The following TIMP3 variants were observed in gnomAD, a reference collection of about 807,000 sequenced individuals.
TIMP3 encodes the protein TIMP metallopeptidase inhibitor 3, also known as metalloproteinase inhibitor 3.
In TIMP3, 11 loss-of-function variants were observed where a neutral mutation model predicts 30.0. That is an observed-to-expected ratio of 0.37 (90% CI 0.23 to 0.61). The LOEUF is 0.61. Ranked by LOEUF, TIMP3 falls within the 20% of genes least tolerant of loss-of-function variation. TIMP3 has a pLI of 0.70. For missense variants in TIMP3, 181 were observed against 276.8 expected (o/e 0.65, Z 2.45); for synonymous variants, 112 against 111.3 (o/e 1.01, Z -0.04).
intron 1 of TIMP3, among the ~76,000 whole-genome samples, chr22:32,808,651 C>T (rs1331351046): frequency 6.6e-6 from 1 of 152,176 alleles, no homozygotes; most frequent in East Asian, 1.9e-4. Flanking sequence ...TGGCTCTTGG[C>T]CCATGACACC....
chr22:32,813,818 A>G (rs1375657334), intron 1 of TIMP3, among the ~76,000 whole-genome samples: 2 of 152,034 alleles, frequency 1.3e-5, no homozygotes. Context: ...CATTTTTCCT[A>G]TCTGTAAAAT....
chr22:32,836,602 A>G (rs896531080), intron 1 of TIMP3, among the ~76,000 whole-genome samples: 1 of 152,100 alleles, frequency 6.6e-6, no homozygotes, highest in Non-Finnish European at 1.5e-5. Flanking sequence ...GGGCTTGAAG[A>G]CCTATGTATG....
chr22:32,852,723 C>A (rs1252054712), intron 2 of TIMP3, among the ~76,000 whole-genome samples: 1 of 149,744 alleles, frequency 6.7e-6, no homozygotes, highest in Non-Finnish European at 1.5e-5. Flanking sequence ...CTTCAGTACA[C>A]AGAGACCTGC....
At position 32,860,457 on chromosome 22, in the gene TIMP3, A is replaced by T. The variant is rs547790374; in HGVS notation, c.*1080A>T. 1 of 152,792 alleles carries T rather than the reference A, an allele frequency of 6.5e-6. No individual in the cohort carries two copies. The highest frequency in any genetic ancestry group is 2.4e-5 in the African/African-American group (1 of 41,584). 9.5% of individuals were successfully genotyped at this position (152,792 alleles called of 1,614,324 possible). ...ACAGAATTCTGTTCAATGCTGTTAA[A>T]TATGCCAATAGTTTAATCTCTTCTA... On this transcript the variant is annotated 3_prime_UTR_variant, in exon 5 of 5. Coordinates refer to ENST00000266085, the MANE Select transcript of TIMP3 (RefSeq NM_000362.5).
At chr22:32,833,732 G>A (rs2047645663) in intron 1 of TIMP3, 1 of 492,058 alleles carries the variant, frequency 2.0e-6, no homozygotes, top group Admixed American at 2.0e-5. Context: ...GATCTGGGGA[G>A]AGTCACTTCT....
intron 1 of TIMP3, among the ~76,000 whole-genome samples, chr22:32,810,761 A>C (rs1476987939): frequency 6.6e-6 from 1 of 152,182 alleles, no homozygotes; most frequent in Non-Finnish European, 1.5e-5. Flanking sequence ...TTTCGCAACC[A>C]GGGTCAGATT....
At position 32,835,448 on chromosome 22, in the gene TIMP3, G is replaced by A. The variant is rs1394740403; in HGVS notation, c.122-14004G>A. Among the ~76,000 whole-genome samples the A allele has an allele frequency of 2.0e-5, 3 of 152,208 alleles. No individual in the cohort carries two copies. The East Asian group carries it at 5.8e-4, about 29-fold the overall frequency. Reference sequence around the variant, plus strand: ...AGGGCCCCTGAGAATACAAAACAGGGGTTCTGTTCTAGTCTTATGCTTGCA... The same window carrying A: ...AGGGCCCCTGAGAATACAAAACAGGAGTTCTGTTCTAGTCTTATGCTTGCA... On this transcript the variant is annotated intron_variant, in intron 1 of 4. Transcript: ENST00000266085.
At chr22:32,824,022 T>C (rs1424575435) in intron 1 of TIMP3, among the ~76,000 whole-genome samples, 1 of 152,140 alleles carries the variant, frequency 6.6e-6, no homozygotes, top group Non-Finnish European at 1.5e-5. Flanking sequence ...CTCACGCCTG[T>C]AATCCCAGCA....
chr22:32,850,738 T>A (rs1159622223), intron 2 of TIMP3, among the ~76,000 whole-genome samples: 1 of 152,152 alleles, frequency 6.6e-6, no homozygotes, highest in African/African-American at 2.4e-5. Flanking sequence ...GGGTAGGACC[T>A]GGCATGCAAA....
chr22:32,854,440 G>T (rs1489615539), intron 2 of TIMP3, among the ~76,000 whole-genome samples: 2 of 152,154 alleles, frequency 1.3e-5, no homozygotes, highest in African/African-American at 4.8e-5. Context: ...GCAGTCAAGG[G>T]GAAAGACTGA....
At chr22:32,804,398 G>A (rs991410784) in intron 1 of TIMP3, among the ~76,000 whole-genome samples, 10 of 152,062 alleles carry the variant, frequency 6.6e-5, no homozygotes, top group African/African-American at 1.2e-4. Context: ...GTCTATTCTC[G>A]CCCTCAAACA....
rs548276969 is a variant in TIMP3, at chr22:32,837,562, C to T, written c.122-11890C>T. Reference sequence around the variant, plus strand: ...GAGACAGAGATGCATGAAATACTAACGTTGAAGATTAGAAATGGGATGTGC... The same window carrying T: ...GAGACAGAGATGCATGAAATACTAATGTTGAAGATTAGAAATGGGATGTGC... On this transcript the variant is annotated intron_variant, in intron 1 of 4. Transcript: ENST00000266085. This position sits in a 1 kb window ranked among gnomAD's most constrained non-coding sequence, Gnocchi z 4.1. Among the ~76,000 whole-genome samples, 3 of 152,022 alleles carry T rather than the reference C, an allele frequency of 2.0e-5. No individual in the cohort carries two copies. The highest frequency in any genetic ancestry group is 2.1e-4 in the South Asian group (1 of 4,816).
rs764049865 is a variant in TIMP3, at chr22:32,849,454, A to G, written c.124A>G (p.Ile42Val). ...ATTGTCTCCTTCTGTCTCTGCAGTG[A>G]TCCGGGCCAAGGTGGTGGGGAAGAA... ...QDAFCNSDIVIRAKVVGKKLV... is the reference protein window; with the variant it reads ...QDAFCNSDIVVRAKVVGKKLV... The change falls in exon 2 of 5, where the codon ATC becomes GTC. Residue 42 changes from isoleucine to valine, a missense_variant and splice_region_variant. By Grantham distance (29) the Ile-to-Val change is conservative. Transcript: ENST00000266085. The G allele has an allele frequency of 6.2e-7, 1 of 1,613,466 alleles. No homozygotes were observed. The highest frequency in any genetic ancestry group is 2.2e-5 in the East Asian group (1 of 44,858).
intron 2 of TIMP3, among the ~76,000 whole-genome samples, chr22:32,851,807 T>C (rs979601437): frequency 2.6e-5 from 4 of 152,126 alleles, no homozygotes; most frequent in African/African-American, 4.8e-5. Flanking sequence ...TGACCCTCCA[T>C]AGAGGGTATC....
chr22:32,812,741 T>G (rs2046948472), intron 1 of TIMP3, among the ~76,000 whole-genome samples: 1 of 152,184 alleles, frequency 6.6e-6, no homozygotes, highest in Admixed American at 6.5e-5. Flanking sequence ...ATGGAACCTT[T>G]GTTTAAGTGA....
rs985552860 is a variant in TIMP3 at position 32,837,906 on chromosome 22, C to G, written c.122-11546C>G. On this transcript the variant is annotated intron_variant, in intron 1 of 4. Transcript: ENST00000266085. This position sits in a 1 kb window ranked among gnomAD's most constrained non-coding sequence, Gnocchi z 4.1. ...TGTCTCTCCAATGGGCTGGACTCTC[C>G]AGCCTCCGGGCCTCTGCCCAACCAT... Among the ~76,000 whole-genome samples, 2 of 152,192 alleles carry G rather than the reference C, an allele frequency of 1.3e-5. No homozygotes were observed. Among genetic ancestry groups the G allele is most frequent in the African/African-American group, 4.8e-5 (2 of 41,444 alleles).
chr22:32,826,693 A>C (rs573120805), intron 1 of TIMP3, among the ~76,000 whole-genome samples: 48 of 152,264 alleles, frequency 3.2e-4, no homozygotes, highest in Non-Finnish European at 6.5e-4. Context: ...TAGTTAGCCT[A>C]TTTGAGCTGG....
chr22:32,834,967 G>A (rs1019105214), intron 1 of TIMP3, among the ~76,000 whole-genome samples: 1 of 152,160 alleles, frequency 6.6e-6, no homozygotes, highest in Non-Finnish European at 1.5e-5. Flanking sequence ...CTTCAGCCAG[G>A]GTCTTTGCAG....
In TIMP3 at chr22:32,819,653, C is replaced by T. The variant is rs569248573; in HGVS notation, c.121+17531C>T. On this transcript the variant is annotated intron_variant, in intron 1 of 4. Transcript: ENST00000266085. ...CTCTTGGCATAGATCTGCCCTTCCC[C>T]CTCCACAGTCTGGACAATCAAGGAC... Among the ~76,000 whole-genome samples, 9 of 152,278 alleles carry T rather than the reference C, an allele frequency of 5.9e-5. No homozygotes were observed. In the East Asian group the frequency reaches 1.5e-3, roughly 26 times the overall value.
Sources: gnomAD v4.1 joint callset for allele counts (sites outside exome capture counted in the v4.1 genomes callset) on GRCh38, gnomAD v4.1.1 for gene constraint, Gnocchi (gnomAD v3.1) non-coding constraint, MANE v1.5 for transcripts, NCBI Gene and HGNC (gene_info 2026-07-23, HGNC 2026-07-21) for gene names.